The following MYZAP variants were observed in gnomAD, a reference collection of about 807,000 sequenced individuals.
MYZAP encodes the protein myocardial zonula adherens protein.
A neutral mutation model predicts 69.4 loss-of-function variants in MYZAP; 66 were observed. That is an observed-to-expected ratio of 0.95 (90% confidence interval 0.78 to 1.17). MYZAP has a LOEUF of 1.17. MYZAP is among the 50% of genes most tolerant of loss of function. The pLI is 0.00. For synonymous variants in MYZAP, 256 were observed against 205.9 expected, an observed-to-expected ratio of 1.24 and a Z score of -2.09; for missense variants, 611 against 556.2, an observed-to-expected ratio of 1.10 and a Z score of -0.99.
intron 12 of MYZAP, among the ~76,000 whole-genome samples, chr15:57,682,274 G>C (rs1415232047): frequency 1.3e-5 from 2 of 152,120 alleles, no homozygotes; most frequent in South Asian, 4.2e-4. Flanking sequence ...AGATTTTTAT[G>C]GGTTAAACCT....
intron 1 of MYZAP, among the ~76,000 whole-genome samples, chr15:57,601,510 T>A (rs1158292944): frequency 6.6e-6 from 1 of 151,968 alleles, no homozygotes; most frequent in Non-Finnish European, 1.5e-5. Context: ...GACTCAAGAT[T>A]CCCTACTCAA....
rs2035588140 is a variant in MYZAP at position 57,618,092 on chromosome 15, T to G, written c.222T>G (p.Gly74=). 8.1e-6 allele frequency: 13 copies of G among 1,614,102 alleles called. No individual in the cohort carries two copies. Among genetic ancestry groups the G allele is most frequent in the Non-Finnish European group, 1.1e-5 (13 of 1,180,008 alleles). ...TRKLPQGVVY[G]VVRRSDQNQQ... ...AACTTCCTCAGGGTGTTGTTTATGG[T>G]GTGGTGCGAAGATCAGATCAAAATC... Residue 74 remains glycine, a synonymous_variant, in exon 3 of 13, where the codon GGT becomes GGG. Coordinates refer to ENST00000267853, the MANE Select transcript of MYZAP (RefSeq NM_001018100.5).
chr15:57,644,605 C>G (rs1335421273), intron 10 of MYZAP, among the ~76,000 whole-genome samples: 3 of 152,046 alleles, frequency 2.0e-5, no homozygotes, highest in African/African-American at 7.2e-5. Context: ...CACCCATGCC[C>G]AGCTAATTTT....
intron 3 of MYZAP, 123 bp downstream of exon 3, chr15:57,618,311 T>C: frequency 1.4e-6 from 2 of 1,428,216 alleles, no homozygotes; most frequent in Admixed American, 5.0e-5. Context: ...GTGTTATCAT[T>C]TTGGCTGGAA....
chr15:57,675,691 C>T (rs2039081754), intron 12 of MYZAP, among the ~76,000 whole-genome samples: 1 of 152,142 alleles, frequency 6.6e-6, no homozygotes, highest in African/African-American at 2.4e-5. Context: ...CTGACCTGTT[C>T]ATTGTTAAGC....
At chr15:57,599,541 T>C (rs2034280485) in intron 1 of MYZAP, 2 of 1,263,456 alleles carry the variant, frequency 1.6e-6, no homozygotes, top group Non-Finnish European at 2.1e-6. Flanking sequence ...ATGCAGTTCT[T>C]CGCATTGTGC....
At position 57,639,531 on chromosome 15, in the gene MYZAP, C is replaced by A; in HGVS notation, c.1105C>A (p.Gln369Lys). 2 of 1,613,838 alleles carry A rather than the reference C, an allele frequency of 1.2e-6. No individual in the cohort carries two copies. The highest frequency in any genetic ancestry group is 1.7e-6 in the Non-Finnish European group (2 of 1,179,906). Reference sequence around the variant, plus strand: ...GCATTGCCAGCAGAAGAAAGTCAAGCAGATGGTCGAGGAGGTAAGCATCTG... The same window carrying A: ...GCATTGCCAGCAGAAGAAAGTCAAGAAGATGGTCGAGGAGGTAAGCATCTG... Reference protein sequence around the residue: ...MVHCQQKKVKQMVEEIESLKK... With the variant: ...MVHCQQKKVKKMVEEIESLKK... The change falls in exon 10 of 13, where the codon CAG (glutamine) becomes AAG (lysine). Residue 369 changes from glutamine to lysine, a missense_variant. Gln to Lys is a moderately conservative substitution (Grantham distance 53). Transcript: ENST00000267853.
At chr15:57,650,342 C>G (rs918018861) in intron 10 of MYZAP, among the ~76,000 whole-genome samples, 1 of 152,060 alleles carries the variant, frequency 6.6e-6, no homozygotes, top group Non-Finnish European at 1.5e-5. Flanking sequence ...ACAGTTGGTA[C>G]ACGTTTAAGA....
chr15:57,595,983 G>A (rs77459744), intron 1 of MYZAP, among the ~76,000 whole-genome samples: 4 of 152,142 alleles, frequency 2.6e-5, no homozygotes, highest in Non-Finnish European at 5.9e-5. Context: ...TAAGGGCAGG[G>A]CTTAAACCTG....
chr15:57,633,948 A>G (rs1041101381), intron 8 of MYZAP, among the ~76,000 whole-genome samples: 11 of 152,194 alleles, frequency 7.2e-5, no homozygotes, highest in African/African-American at 2.7e-4. Context: ...CTTTTAAAAA[A>G]TATTACTTGT....
intron 10 of MYZAP, chr15:57,647,871 T>C (rs138873619): frequency 7.0e-4 from 686 of 985,412 alleles, no homozygotes; most frequent in Admixed American, 2.4e-3. Context: ...CTGCCTGTAC[T>C]GTGATATGGT....
intron 10 of MYZAP, among the ~76,000 whole-genome samples, chr15:57,649,293 A>C (rs1275493013): frequency 6.6e-6 from 1 of 152,220 alleles, no homozygotes; most frequent in Non-Finnish European, 1.5e-5. Flanking sequence ...ATCGCTGCCC[A>C]CAGTGCACAT....
At chr15:57,600,987 A>C (rs2034374844) in intron 1 of MYZAP, among the ~76,000 whole-genome samples, 1 of 152,192 alleles carries the variant, frequency 6.6e-6, no homozygotes, top group African/African-American at 2.4e-5. Flanking sequence ...CTGAGGTCGG[A>C]GAATCACTTG....
chr15:57,684,365 G>T (rs778595368), intron 12 of MYZAP, 37 bp from the exon 13 acceptor site: 1 of 1,442,744 alleles, frequency 6.9e-7, no homozygotes, highest in Non-Finnish European at 9.7e-7. Flanking sequence ...GTTTTGTTTT[G>T]TTTCATTTTC....
intron 10 of MYZAP, among the ~76,000 whole-genome samples, chr15:57,651,472 A>C (rs1190949742): frequency 6.6e-6 from 1 of 152,180 alleles, no homozygotes; most frequent in African/African-American, 2.4e-5. Flanking sequence ...TCACATGTCA[A>C]CCTTCCTCCC....
chr15:57,626,576 T>C (rs1398125816), intron 5 of MYZAP, among the ~76,000 whole-genome samples: 1 of 152,230 alleles, frequency 6.6e-6, no homozygotes, highest in Non-Finnish European at 1.5e-5. Context: ...CAAAGCATTG[T>C]ATGTATTTGA....
chr15:57,684,345 C>T (rs1044521740), intron 12 of MYZAP, 57 bp from the exon 13 acceptor site: 4 of 1,087,860 alleles, frequency 3.7e-6, no homozygotes, highest in Non-Finnish European at 5.6e-6. Context: ...CCATGTGAAG[C>T]ATATGGGGGG....
intron 10 of MYZAP, among the ~76,000 whole-genome samples, chr15:57,643,895 C>T (rs1056551822): frequency 3.3e-5 from 5 of 152,142 alleles, no homozygotes; most frequent in Admixed American, 3.3e-4. Flanking sequence ...GCAGAGGAGG[C>T]ATTTTCTTTA....
intron 10 of MYZAP, among the ~76,000 whole-genome samples, chr15:57,645,306 T>C (rs2037385923): frequency 6.6e-6 from 1 of 152,150 alleles, no homozygotes; most frequent in Admixed American, 6.5e-5. Flanking sequence ...AACAGATGAG[T>C]AAGAACTCTT....
Sources: gnomAD v4.1 joint callset for allele counts (sites outside exome capture counted in the v4.1 genomes callset) on GRCh38, gnomAD v4.1.1 for gene constraint, MANE v1.5 for transcripts, NCBI Gene and HGNC (gene_info 2026-07-23, HGNC 2026-07-21) for gene names.